CFAP263: variants seen among roughly 807,000 people sequenced by gnomAD.
CFAP263 encodes cilia and flagella associated protein 263.
the CFAP263 span, among the ~76,000 whole-genome samples, chr16:58,260,218 T>C: frequency 6.6e-6 from 1 of 151,690 alleles, no homozygotes; most frequent in Admixed American, 6.6e-5. Context: ...GAGATCAGAG[T>C]GATGAGCTTT....
the CFAP263 span, among the ~76,000 whole-genome samples, chr16:58,278,313 G>A: frequency 1.3e-5 from 2 of 152,130 alleles, no homozygotes; most frequent in African/African-American, 4.8e-5. Flanking sequence ...AATATGTTTG[G>A]GAAAAAAATC....
chr16:58,275,372 T>C, the CFAP263 span, among the ~76,000 whole-genome samples: 1 of 152,142 alleles, frequency 6.6e-6, no homozygotes, highest in Non-Finnish European at 1.5e-5. Flanking sequence ...AATAAAAATG[T>C]TAATTCTCTT....
chr16:58,271,448 C>A, the CFAP263 span, among the ~76,000 whole-genome samples: 4 of 152,106 alleles, frequency 2.6e-5, no homozygotes, highest in Admixed American at 2.6e-4. Context: ...AAAGTCTGTG[C>A]TTTTGTCACA....
At chr16:58,282,527 T>G in the CFAP263 span, 1 of 152,472 alleles carries the variant, frequency 6.6e-6, no homozygotes, top group Non-Finnish European at 1.5e-5. Flanking sequence ...AGCAACTCCG[T>G]GGGCAGGCCA....
the CFAP263 span, chr16:58,250,183 C>A: frequency 2.2e-6 from 2 of 912,332 alleles, no homozygotes; most frequent in Non-Finnish European, 3.4e-6. Flanking sequence ...CGGCCTCGGA[C>A]TTGGGGACCA....
the CFAP263 span, among the ~76,000 whole-genome samples, chr16:58,251,996 G>A: frequency 7.2e-6 from 1 of 138,480 alleles, no homozygotes; most frequent in Admixed American, 7.6e-5. Context: ...TCATCTATTG[G>A]GTACTGAAAA....
chr16:58,252,871 A>G, the CFAP263 span: 14 of 1,612,334 alleles, frequency 8.7e-6, no homozygotes, highest in Non-Finnish European at 1.1e-5. Context: ...ATGGAGATCT[A>G]GATCATTCTT....
the CFAP263 span, chr16:58,281,394 A>G: frequency 6.5e-6 from 1 of 153,420 alleles, no homozygotes; most frequent in Non-Finnish European, 1.5e-5. Flanking sequence ...TGAGCACAGC[A>G]CAGTGCCTGG....
At chr16:58,274,659 T>G in the CFAP263 span, among the ~76,000 whole-genome samples, 1 of 152,218 alleles carries the variant, frequency 6.6e-6, no homozygotes, top group African/African-American at 2.4e-5. Context: ...TCTCCTTCAC[T>G]TTCCACCATG....
the CFAP263 span, chr16:58,258,628 G>A: frequency 9.5e-7 from 1 of 1,049,964 alleles, no homozygotes; most frequent in Non-Finnish European, 1.4e-6. Context: ...CACCATAAAT[G>A]TTGCCCACAT....
chr16:58,252,267 G>C, the CFAP263 span, among the ~76,000 whole-genome samples: 1 of 152,060 alleles, frequency 6.6e-6, no homozygotes, highest in Admixed American at 6.6e-5. Flanking sequence ...CTACTTGGGA[G>C]GCTGAGGCAG....
chr16:58,277,572 C>A, the CFAP263 span, among the ~76,000 whole-genome samples: 904 of 152,242 alleles, frequency 5.9e-3, 12 homozygotes, highest in East Asian at 0.056. Context: ...TGGGAATATA[C>A]CCAAAAGAAT....
chr16:58,267,786 G>T, the CFAP263 span, among the ~76,000 whole-genome samples: 1 of 152,118 alleles, frequency 6.6e-6, no homozygotes, highest in Non-Finnish European at 1.5e-5. Context: ...GCATTTTACT[G>T]CTGGGTTGGG....
chr16:58,249,937 C>T, the CFAP263 span: 4 of 971,726 alleles, frequency 4.1e-6, no homozygotes, highest in Non-Finnish European at 6.4e-6. Flanking sequence ...CACCGCGTCG[C>T]AGCCGGAGTG....
chr16:58,276,719 GCA>G, the CFAP263 span, among the ~76,000 whole-genome samples: 3 of 152,240 alleles, frequency 2.0e-5, no homozygotes, highest in African/African-American at 7.2e-5. Context: ...AGTAATTGCA[GCA>G]CTGTTTATTG....
the CFAP263 span, among the ~76,000 whole-genome samples, chr16:58,254,691 G>T: frequency 5.3e-5 from 8 of 150,830 alleles, no homozygotes; most frequent in Non-Finnish European, 7.4e-5. Context: ...TGCAAGCTCC[G>T]CCTCCCGGGT....
the CFAP263 span, among the ~76,000 whole-genome samples, chr16:58,277,431 T>C: frequency 6.6e-6 from 1 of 152,364 alleles, no homozygotes; most frequent in South Asian, 2.1e-4. Context: ...CCCCAGCTGA[T>C]GTTAATTTTT....
the CFAP263 span, among the ~76,000 whole-genome samples, chr16:58,262,903 TG>T: frequency 1.3e-5 from 2 of 152,208 alleles, no homozygotes; most frequent in East Asian, 3.8e-4. Context: ...ATTCCCCAAG[TG>T]ATTTTTATGC....
chr16:58,250,084 A>T, the CFAP263 span: 1 of 1,593,548 alleles, frequency 6.3e-7, no homozygotes, highest in Non-Finnish European at 8.5e-7. Context: ...GCTGCCTGTT[A>T]TCCAGCTGTG....
Sources: gnomAD v4.1 joint callset for allele counts (sites outside exome capture counted in the v4.1 genomes callset) on GRCh38, gnomAD v4.1.1 for gene constraint, MANE v1.5 for transcripts, NCBI Gene and HGNC (gene_info 2026-07-23, HGNC 2026-07-21) for gene names.